Variants in AGBL4 observed in about 807,000 individuals in gnomAD.
AGBL4 encodes the protein AGBL carboxypeptidase 4.
AGBL4 carries 58 observed loss-of-function variants against 66.4 expected under a neutral mutation model. That is an observed-to-expected ratio of 0.87 (90% confidence interval 0.71 to 1.09). The LOEUF (loss-of-function observed/expected upper bound fraction) is 1.09, where lower values mean the gene tolerates loss of function less well. Ranked by LOEUF, AGBL4 falls within the 50% of genes least tolerant of loss-of-function variation. The pLI, the probability that AGBL4 is intolerant of heterozygous loss-of-function variation, is 0.00. For synonymous variants in AGBL4, 234 were observed against 222.9 expected (o/e 1.05, Z -0.44); for missense variants, 579 against 631.0 (o/e 0.92, Z 0.88).
chr1:48,574,570 C>A (rs1644620361), intron 11 of AGBL4, among the ~76,000 whole-genome samples: 1 of 146,326 alleles, frequency 6.8e-6, no homozygotes, highest in African/African-American at 2.5e-5. Context: ...ATCCAAGCAT[C>A]CTTTACCTCC....
chr1:49,026,550 A>T (rs1663713289), intron 5 of AGBL4, among the ~76,000 whole-genome samples: 1 of 152,172 alleles, frequency 6.6e-6, no homozygotes. Context: ...ATTTCATCTA[A>T]TTCTGTCATT....
chr1:49,794,595 G>T (rs12124998), intron 2 of AGBL4, among the ~76,000 whole-genome samples: 14,085 of 151,792 alleles, frequency 0.093, 859 homozygotes, highest in African/African-American at 0.16. Context: ...ATATTTGATA[G>T]AATTTTTACA....
At chr1:48,965,411 G>A (rs1233761285) in intron 5 of AGBL4, among the ~76,000 whole-genome samples, 1 of 152,094 alleles carries the variant, frequency 6.6e-6, no homozygotes, top group Non-Finnish European at 1.5e-5. Flanking sequence ...AACACAAAAA[G>A]GACTCAGAGA....
At chr1:49,572,120 A>G (rs1200221185) in intron 3 of AGBL4, among the ~76,000 whole-genome samples, 1 of 152,078 alleles carries the variant, frequency 6.6e-6, no homozygotes, top group African/African-American at 2.4e-5. Flanking sequence ...CCCACTCAAT[A>G]TTTTGGAATA....
chr1:48,536,725 G>T (rs771354688), intron 12 of AGBL4, among the ~76,000 whole-genome samples: 4 of 152,182 alleles, frequency 2.6e-5, no homozygotes, highest in Non-Finnish European at 5.9e-5. Flanking sequence ...CTCTTGCTCA[G>T]AGGCCACACT....
chr1:48,569,525 CT>C (rs770174744), intron 11 of AGBL4, among the ~76,000 whole-genome samples: 4 of 152,150 alleles, frequency 2.6e-5, no homozygotes, highest in Non-Finnish European at 5.9e-5. Context: ...TTTCTAAGGC[CT>C]TATTTCTTGA....
At chr1:48,765,992 T>C (rs1243629607) in intron 6 of AGBL4, among the ~76,000 whole-genome samples, 1 of 152,170 alleles carries the variant, frequency 6.6e-6, no homozygotes, top group African/African-American at 2.4e-5. Flanking sequence ...CGGAATTAAG[T>C]AGTAGTGATG....
intron 3 of AGBL4, among the ~76,000 whole-genome samples, chr1:49,453,375 T>C (rs910137400): frequency 3.3e-5 from 5 of 151,820 alleles, no homozygotes; most frequent in African/African-American, 1.2e-4. Flanking sequence ...CCAGATTTAA[T>C]AGAACTACCC....
At chr1:48,892,600 G>A (rs112000858) in intron 5 of AGBL4, among the ~76,000 whole-genome samples, 4,729 of 152,266 alleles carry the variant, frequency 0.031, 243 homozygotes, top group African/African-American at 0.1. Flanking sequence ...CTTGAAGCGG[G>A]GAGGGGGCTT....
At chr1:49,927,179 C>T (rs1474829914) in intron 1 of AGBL4, among the ~76,000 whole-genome samples, 3 of 152,160 alleles carry the variant, frequency 2.0e-5, no homozygotes, top group African/African-American at 7.2e-5. Flanking sequence ...ATGTTAATCT[C>T]CTTTGCCAAC....
At chr1:49,921,042 A>G (rs1013743638) in intron 1 of AGBL4, among the ~76,000 whole-genome samples, 5 of 152,158 alleles carry the variant, frequency 3.3e-5, no homozygotes, top group African/African-American at 7.2e-5. Context: ...CTGAACAATG[A>G]GAACACTTGG....
At chr1:48,836,854 C>T (rs935891997) in intron 6 of AGBL4, among the ~76,000 whole-genome samples, 22 of 151,732 alleles carry the variant, frequency 1.4e-4, no homozygotes, top group Non-Finnish European at 2.2e-4. Context: ...CAAATATTTA[C>T]AGAACTTCTT....
chr1:49,137,278 C>T (rs142945137), intron 4 of AGBL4, among the ~76,000 whole-genome samples: 213 of 152,208 alleles, frequency 1.4e-3, no homozygotes, highest in African/African-American at 5.1e-3. Context: ...ATTAACATGA[C>T]ACAAAACCAT....
At chr1:49,076,988 C>T (rs1287489205) in intron 4 of AGBL4, among the ~76,000 whole-genome samples, 1 of 152,118 alleles carries the variant, frequency 6.6e-6, no homozygotes, top group African/African-American at 2.4e-5. Flanking sequence ...CCACGTTATG[C>T]TTATAAATGT....
chr1:48,607,203 A>C (rs1463045716), intron 9 of AGBL4, among the ~76,000 whole-genome samples: 1 of 152,210 alleles, frequency 6.6e-6, no homozygotes, highest in Non-Finnish European at 1.5e-5. Context: ...TGACTACTTA[A>C]ATTTAAATTA....
chr1:48,785,448 C>T (rs1645386673), intron 6 of AGBL4, among the ~76,000 whole-genome samples: 1 of 152,192 alleles, frequency 6.6e-6, no homozygotes, highest in Admixed American at 6.5e-5. Flanking sequence ...GTCTCATTTT[C>T]CTCTCTGTGT....
intron 2 of AGBL4, among the ~76,000 whole-genome samples, chr1:49,811,468 TA>T (rs1161887018): frequency 9.9e-5 from 15 of 152,268 alleles, no homozygotes; most frequent in Admixed American, 9.2e-4. Flanking sequence ...ACTTAGACTT[TA>T]TAAGTATCTT....
intron 6 of AGBL4, among the ~76,000 whole-genome samples, chr1:48,805,832 G>A (rs17104903): frequency 0.011 from 1,646 of 152,258 alleles, 27 homozygotes; most frequent in African/African-American, 0.037. Context: ...GACAAGATGA[G>A]ATTCTGTGCA....
intron 6 of AGBL4, among the ~76,000 whole-genome samples, chr1:48,712,564 A>G (rs1280563865): frequency 2.6e-5 from 4 of 151,864 alleles, no homozygotes; most frequent in Non-Finnish European, 5.9e-5. Context: ...CTTTATATAT[A>G]TCAGCTCCTT....
Sources: gnomAD v4.1 joint callset for allele counts (sites outside exome capture counted in the v4.1 genomes callset) on GRCh38, gnomAD v4.1.1 for gene constraint, MANE v1.5 for transcripts, NCBI Gene and HGNC (gene_info 2026-07-23, HGNC 2026-07-21) for gene names.